Variants in CNGB1 observed in about 807,000 individuals in gnomAD.
The protein encoded by CNGB1 is cyclic nucleotide-gated channel beta-1.
Under a neutral mutation model 151.7 loss-of-function variants are expected in CNGB1, and 126 were observed. The ratio of observed to expected loss-of-function variants is 0.83; its 90% CI spans 0.72 to 0.96. The LOEUF is 0.96. Ranked by LOEUF, CNGB1 falls within the 40% of genes least tolerant of loss-of-function variation. The pLI, the probability that CNGB1 is intolerant of heterozygous loss-of-function variation, is 0.00. For missense variants in CNGB1, 1,698 were observed against 1,627.0 expected (o/e 1.04, Z -0.75); for synonymous variants, 623 against 635.1 (o/e 0.98, Z 0.29).
rs764273671 is a variant in CNGB1 at position 57,917,472 on chromosome 16, C to T, written c.1962G>A (p.Leu654=). The T allele has an allele frequency of 3.1e-6, 5 of 1,613,962 alleles. No individual in the cohort carries two copies. Among genetic ancestry groups the T allele is most frequent in the Non-Finnish European group, 4.2e-6 (5 of 1,180,038 alleles). Residue 654 remains leucine, a synonymous_variant, in exon 21 of 33, where the codon CTG becomes CTA. Transcript: ENST00000251102. The part of the protein sequence containing the change: ...FPQSIDPLTN[L]MYVLWLFFVV... ...CGAAGAACAGCCATAGGACATACAT[C>T]AGGTCTGTGGGGAAGGTTGACGGGG...
intron 17 of CNGB1, among the ~76,000 whole-genome samples, chr16:57,929,194 G>C (rs942597450): frequency 1.3e-5 from 2 of 152,146 alleles, no homozygotes; most frequent in Admixed American, 6.5e-5. Context: ...AACTCGAATA[G>C]ACATTTCTCC....
rs761481205 is a variant in CNGB1, at chr16:57,904,869, AAT to A, written c.2497_2498del (p.Ile833SerfsTer18). On this transcript the variant is annotated frameshift_variant, in exon 26 of 33. Coordinates refer to ENST00000251102, the MANE Select transcript of CNGB1 (RefSeq NM_001297.5). LOFTEE classifies it high-confidence loss of function. ...WVYDGVGNSY[I>X]RCYYFAVKTL... is the part of the protein sequence containing the mutation. ...TCTTCACAGCAAAGTAGTAACAGCG[AAT>A]ATAACTGGAGAGAGAGGAGAAAGGG... 16 of 1,614,064 alleles carry A rather than the reference AAT, an allele frequency of 9.9e-6. No individual in the cohort carries two copies. In the South Asian group the frequency reaches 1.6e-4, roughly 17 times the overall value.
intron 12 of CNGB1, among the ~76,000 whole-genome samples, chr16:57,953,784 C>T (rs961406373): frequency 6.6e-6 from 1 of 152,136 alleles, no homozygotes; most frequent in Non-Finnish European, 1.5e-5. Context: ...TGGTCCCAGC[C>T]TCTACCCCGT....
At chr16:57,932,003 C>A in intron 16 of CNGB1, 125 bp from the exon 17 acceptor site, 1 of 1,038,648 alleles carries the variant, frequency 9.6e-7, no homozygotes, top group Non-Finnish European at 1.5e-6. Flanking sequence ...GCTTCACTTC[C>A]CAATGGGGCA....
rs576004607 is a variant in CNGB1 at position 57,915,169 on chromosome 16, G to A, written c.2304+80C>T. ...GGAACTCCCCTCCCCAGTGCTGCTG[G>A]GGGCAGACACGAAGATGCCAGTGTC... On this transcript the variant is annotated intron_variant, in intron 23 of 32. Coordinates refer to ENST00000251102, the MANE Select transcript of CNGB1 (RefSeq NM_001297.5). 1.7e-3 allele frequency: 1,965 copies of A among 1,158,140 alleles called. 23 individuals are homozygous for A. Among genetic ancestry groups the A allele is most frequent in the South Asian group, 0.015 (1,124 of 74,316 alleles). 71.7% of individuals were successfully genotyped at this position (1,158,140 alleles called of 1,614,324 possible). A position where few individuals can be genotyped will look rare whatever the true frequency, so the allele number is the denominator to read the frequency against.
At chr16:57,926,158 C>T (rs1291326817) in intron 17 of CNGB1, among the ~76,000 whole-genome samples, 1 of 152,222 alleles carries the variant, frequency 6.6e-6, no homozygotes, top group Non-Finnish European at 1.5e-5. Context: ...CACCCTTTCC[C>T]CAGCTGGAGT....
intron 17 of CNGB1, among the ~76,000 whole-genome samples, chr16:57,930,381 G>T (rs914587320): frequency 3.3e-5 from 5 of 151,982 alleles, no homozygotes; most frequent in African/African-American, 9.7e-5. Flanking sequence ...TGTAGTCACA[G>T]CTACTCGAGA....
In CNGB1 at chr16:57,964,142, GA is replaced by G; in HGVS notation, c.277del (p.Ser93LeufsTer3). 1 of 1,614,142 alleles carries G rather than the reference GA, an allele frequency of 6.2e-7. No individual in the cohort carries two copies. The highest frequency in any genetic ancestry group is 8.5e-7 in the Non-Finnish European group (1 of 1,180,014). On this transcript the variant is annotated frameshift_variant, in exon 4 of 33. Coordinates refer to ENST00000251102, the MANE Select transcript of CNGB1 (RefSeq NM_001297.5). LOFTEE classifies it high-confidence loss of function. The stretch of plus-strand genomic sequence containing the variant: ...GGTGGTGCAGTACCTATTCATTTCA[GA>G]AATCTCAGCGCCCTGGGCCCGGAGG... ...ISLRAQGAEI[S>X]EMNSPSRRVL...
intron 21 of CNGB1, among the ~76,000 whole-genome samples, chr16:57,916,718 C>G (rs1415760926): frequency 6.6e-6 from 1 of 152,132 alleles, no homozygotes; most frequent in Non-Finnish European, 1.5e-5. Flanking sequence ...AGTTTCCTCC[C>G]TGGTAAGGCA....
chr16:57,960,514 G>A lies in CNGB1; in HGVS notation c.551C>T (p.Pro184Leu), dbSNP rs763256549. The A allele has an allele frequency of 2.6e-5, 42 of 1,613,734 alleles. No individual in the cohort carries two copies. Among genetic ancestry groups the A allele is most frequent in the Non-Finnish European group, 3.5e-5 (41 of 1,179,910 alleles). The change falls in exon 9 of 33, where the codon CCT (proline) becomes CTT (leucine). Residue 184 changes from proline (P) to leucine (L), a missense_variant. Pro to Leu is a moderately conservative substitution (Grantham distance 98). Coordinates refer to ENST00000251102, the MANE Select transcript of CNGB1 (RefSeq NM_001297.5). ...TGAGGCAGCACCTGTAGCAACTGCA[G>A]GCTCATCTCTCCAGACCTGGGTGAC... is the stretch of plus-strand genomic sequence containing the variant. ...PKSSEVWRDE[P>L]AVATGAASDP... is the part of the protein sequence containing the mutation.
At chr16:57,943,142 A>G (rs1961713496) in intron 14 of CNGB1, among the ~76,000 whole-genome samples, 1 of 152,180 alleles carries the variant, frequency 6.6e-6, no homozygotes, top group South Asian at 2.1e-4. Flanking sequence ...CCGTAAGTCA[A>G]ATAAGGGGTT....
rs747099396 is a variant in CNGB1 at position 57,917,332 on chromosome 16, A to G, written c.2102T>C (p.Ile701Thr). The G allele has an allele frequency of 1.9e-6, 3 of 1,613,950 alleles. No homozygotes were observed. The highest frequency in any genetic ancestry group is 2.2e-5 in the South Asian group (2 of 91,080). The change falls in exon 21 of 33, where the codon ATC becomes ACC. Residue 701 changes from isoleucine to threonine, a missense_variant. Coordinates refer to ENST00000251102, the MANE Select transcript of CNGB1 (RefSeq NM_001297.5). ...GAACACGGTGATGTCCAGGAAGTAG[A>G]TGAGGTCGCATAGGTAATCCATCAG... ...WLLMDYLCDL[I>T]YFLDITVFQT...
intron 27 of CNGB1, among the ~76,000 whole-genome samples, chr16:57,902,602 G>C (rs1400129800): frequency 5.5e-5 from 8 of 144,596 alleles, no homozygotes; most frequent in Admixed American, 2.1e-4. Context: ...CCACCGCACA[G>C]GTACTTATTT....
intron 31 of CNGB1, among the ~76,000 whole-genome samples, chr16:57,895,184 C>G (rs1388968605): frequency 8.5e-5 from 13 of 152,114 alleles, no homozygotes; most frequent in Admixed American, 2.6e-4. Context: ...GTGGCTCACA[C>G]CTGTAATCCC....
intron 14 of CNGB1, among the ~76,000 whole-genome samples, chr16:57,943,243 G>A (rs7206208): frequency 0.089 from 13,553 of 152,098 alleles, 947 homozygotes; most frequent in African/African-American, 0.2. Context: ...GACATTCCTC[G>A]GTGTCTCAAA....
rs531722769 is a variant in CNGB1, at chr16:57,901,479, G to T, written c.2893-44C>A. Reference sequence around the variant, plus strand: ...GAAAGGAACTTTTTAGAGAAGATTGGGCTTGGAGCCTCCCACAGCCCTGAG... The same window carrying T: ...GAAAGGAACTTTTTAGAGAAGATTGTGCTTGGAGCCTCCCACAGCCCTGAG... On this transcript the variant is annotated intron_variant, in intron 28 of 32. Coordinates refer to ENST00000251102, the MANE Select transcript of CNGB1 (RefSeq NM_001297.5). 2.5e-6 allele frequency: 4 copies of T among 1,613,446 alleles called. No homozygotes were observed. In the African/African-American group the frequency reaches 4.0e-5, roughly 16 times the overall value.
chr16:57,896,495 A>G lies in CNGB1; in HGVS notation c.3242+902T>C, dbSNP rs139312131. Among the ~76,000 whole-genome samples the G allele has an allele frequency of 3.9e-3, 596 of 151,944 alleles. 4 individuals are homozygous for G. Among genetic ancestry groups the G allele is most frequent in the African/African-American group, 0.012 (517 of 41,454 alleles). ...TTTGGGAGGCCGAGGGGGGTGGATC[A>G]CGATGTCAGGAGTTTGAGACCAGCC... On this transcript the variant is annotated intron_variant, in intron 31 of 32. Transcript: ENST00000251102.
In CNGB1 at chr16:57,931,780, G is replaced by A. The variant is rs1240609117; in HGVS notation, c.1471C>T (p.Pro491Ser). 12 of 1,614,044 alleles carry A rather than the reference G, an allele frequency of 7.4e-6. No individual in the cohort carries two copies. The highest frequency in any genetic ancestry group is 2.7e-5 in the African/African-American group (2 of 74,912). ...AEENPPSTVLPPPSPAKSDTL... is the reference protein window; with the variant it reads ...AEENPPSTVLSPPSPAKSDTL... ...TCTGATTTGGCAGGAGACGGTGGCG[G>A]CAACACGGTTGAGGGTGGATTCTCT... Residue 491 changes from proline to serine, a missense_variant, in exon 17 of 33, where the codon CCG (proline) becomes TCG (serine). Transcript: ENST00000251102.
At chr16:57,954,103 G>C (rs1198556256) in intron 12 of CNGB1, among the ~76,000 whole-genome samples, 5 of 152,134 alleles carry the variant, frequency 3.3e-5, no homozygotes, top group African/African-American at 1.2e-4. Context: ...ATTGCCTACA[G>C]CTTAGTTTCC....
Sources: gnomAD v4.1 joint callset for allele counts (sites outside exome capture counted in the v4.1 genomes callset) on GRCh38, gnomAD v4.1.1 for gene constraint, MANE v1.5 for transcripts, NCBI Gene and HGNC (gene_info 2026-07-23, HGNC 2026-07-21) for gene names.